Variants in NOL4 observed in about 807,000 individuals in gnomAD.
NOL4 encodes the protein cancer/testis antigen 125.
In NOL4, 17 loss-of-function variants were observed where a neutral mutation model predicts 75.9. That is an observed-to-expected ratio of 0.22 (90% CI 0.15 to 0.34). The LOEUF (loss-of-function observed/expected upper bound fraction) is 0.34, where lower values mean the gene tolerates loss of function less well. Among genes scored for constraint, NOL4 ranks in the 10% least tolerant of loss-of-function variants. The pLI, the probability that NOL4 is intolerant of heterozygous loss-of-function variation, is 1.00. For synonymous variants in NOL4, 292 were observed against 289.9 expected, an observed-to-expected ratio of 1.01 and a Z score of -0.07; for missense variants, 614 against 793.5, an observed-to-expected ratio of 0.77 and a Z score of 2.72.
intron 10 of NOL4, among the ~76,000 whole-genome samples, chr18:33,874,878 C>A (rs937160734): frequency 6.6e-6 from 1 of 151,942 alleles, no homozygotes; most frequent in South Asian, 2.1e-4. Context: ...AGGCTCATAA[C>A]TAAAGGACCT....
intron 4 of NOL4, among the ~76,000 whole-genome samples, chr18:34,097,439 T>G (rs1320465867): frequency 1.3e-5 from 2 of 152,148 alleles, no homozygotes; most frequent in Non-Finnish European, 2.9e-5. Context: ...TTTGGGGTGG[T>G]GTCCTGCAAC....
chr18:34,139,128 C>G (rs1404754758), intron 1 of NOL4, among the ~76,000 whole-genome samples: 3 of 152,240 alleles, frequency 2.0e-5, no homozygotes, highest in Middle Eastern at 3.4e-3. Flanking sequence ...GGATATTGGT[C>G]TAAAATTCTC....
At chr18:33,956,239 G>A (rs2069637126) in intron 8 of NOL4, among the ~76,000 whole-genome samples, 1 of 152,104 alleles carries the variant, frequency 6.6e-6, no homozygotes, top group African/African-American at 2.4e-5. Context: ...TGATATATTT[G>A]TCTACAGATT....
At chr18:34,139,644 A>AT (rs565325760) in intron 1 of NOL4, among the ~76,000 whole-genome samples, 1 of 151,792 alleles carries the variant, frequency 6.6e-6, no homozygotes, top group African/African-American at 2.4e-5. Context: ...GGATTCATTG[A>AT]TTTTTTGGAG....
chr18:34,189,016 G>A (rs1451749824), intron 1 of NOL4, among the ~76,000 whole-genome samples: 1 of 152,026 alleles, frequency 6.6e-6, no homozygotes, highest in Non-Finnish European at 1.5e-5. Context: ...TTGAATAATG[G>A]CAATGTCTTA....
At chr18:33,880,399 T>C (rs1391610920) in intron 10 of NOL4, among the ~76,000 whole-genome samples, 1 of 151,224 alleles carries the variant, frequency 6.6e-6, no homozygotes, top group Non-Finnish European at 1.5e-5. Flanking sequence ...TACCACCCAA[T>C]TATAAGAACA....
chr18:33,868,043 CTT>C (rs376575722), intron 10 of NOL4, among the ~76,000 whole-genome samples: 31 of 144,120 alleles, frequency 2.2e-4, no homozygotes, highest in Admixed American at 3.5e-4. Context: ...GATTCTTTAT[CTT>C]TTTTTTTTTT....
rs754015431 is a variant in NOL4, at chr18:34,142,255, C to T, written c.265-12235G>A. On this transcript the variant is annotated intron_variant, in intron 1 of 10. Transcript: ENST00000261592. ...GCGGGACTGTAAACTAGTTCAACCA[C>T]TGTGGAAGTCAGTGTGGCGATTCCT... Among the ~76,000 whole-genome samples, 36 of 152,274 alleles carry T rather than the reference C, an allele frequency of 2.4e-4. 1 individual carries two copies. The highest frequency in any genetic ancestry group is 7.0e-4 in the African/African-American group (29 of 41,564).
At chr18:33,908,950 T>G (rs1568045613) in intron 9 of NOL4, among the ~76,000 whole-genome samples, 2 of 152,152 alleles carry the variant, frequency 1.3e-5, no homozygotes, top group African/African-American at 4.8e-5. Context: ...TTCTGATTTA[T>G]CATATTGACT....
intron 5 of NOL4, among the ~76,000 whole-genome samples, chr18:34,089,934 T>C (rs1007453936): frequency 4.6e-5 from 7 of 151,316 alleles, no homozygotes; most frequent in Middle Eastern, 3.4e-3. Context: ...CTTACTGTGA[T>C]ACACACACAC....
intron 5 of NOL4, among the ~76,000 whole-genome samples, chr18:34,020,095 C>G (rs765931111): frequency 1.5e-4 from 23 of 152,030 alleles, no homozygotes; most frequent in Non-Finnish European, 4.4e-5. Context: ...TGGCACTATG[C>G]TTCATGTACA....
chr18:33,961,127 CATA>C (rs200040852), intron 6 of NOL4, among the ~76,000 whole-genome samples: 3,477 of 151,784 alleles, frequency 0.023, 66 homozygotes, highest in Non-Finnish European at 0.037. Flanking sequence ...CAAATATATA[CATA>C]ATAATAATAA....
chr18:34,144,059 A>G (rs2081300807), intron 1 of NOL4, among the ~76,000 whole-genome samples: 1 of 152,088 alleles, frequency 6.6e-6, no homozygotes, highest in Non-Finnish European at 1.5e-5. Context: ...ATAATCCTCC[A>G]TTATATGGTA....
rs757460119 is a variant in NOL4, at chr18:33,958,282, T to A, written c.1193A>T (p.Asn398Ile). 23 of 1,613,712 alleles carry A rather than the reference T, an allele frequency of 1.4e-5. No homozygotes were observed. Among genetic ancestry groups the A allele is most frequent in the Non-Finnish European group, 1.9e-5 (22 of 1,179,778 alleles). ...CTCGGCTTCAACGCCGTCTGTCTCATTAACTTTCTCCGAATCGTCATGGTC... is the reference window on the plus strand; with the variant it reads ...CTCGGCTTCAACGCCGTCTGTCTCAATAACTTTCTCCGAATCGTCATGGTC... ...HEDHDDSEKV[N>I]ETDGVEAERL... The change falls in exon 7 of 11, where the codon AAT becomes ATT. Residue 398 changes from asparagine to isoleucine, a missense_variant. Physicochemically the swap from Asn to Ile is moderately radical, Grantham distance 149. Coordinates refer to ENST00000261592, the MANE Select transcript of NOL4 (RefSeq NM_003787.5).
intron 1 of NOL4, among the ~76,000 whole-genome samples, chr18:34,142,959 A>C (rs937312520): frequency 5.9e-5 from 9 of 152,140 alleles, no homozygotes; most frequent in Non-Finnish European, 1.3e-4. Flanking sequence ...AATATTACAA[A>C]CCTTTAAAAA....
chr18:33,892,493 G>T lies in NOL4; in HGVS notation c.1543-9069C>A, dbSNP rs941750635. ...ATAATCATCATTATGAGTTCCCAAA[G>T]TTCTCACAGCTGACAGCTTGCCTCC... On this transcript the variant is annotated intron_variant, in intron 9 of 10. Transcript: ENST00000261592. Among the ~76,000 whole-genome samples, 4 of 151,998 alleles carry T rather than the reference G, an allele frequency of 2.6e-5. No individual in the cohort carries two copies. The East Asian group carries it at 7.7e-4, about 29-fold the overall frequency.
chr18:33,979,160 G>A (rs1401065482), intron 6 of NOL4, among the ~76,000 whole-genome samples: 1 of 152,002 alleles, frequency 6.6e-6, no homozygotes, highest in Non-Finnish European at 1.5e-5. Flanking sequence ...AGATTATAGA[G>A]GTAAAACCTT....
At chr18:33,915,018 A>G (rs954352004) in intron 9 of NOL4, among the ~76,000 whole-genome samples, 1 of 152,114 alleles carries the variant, frequency 6.6e-6, no homozygotes, top group Admixed American at 6.6e-5. Flanking sequence ...TTTTAGAATT[A>G]GAGGACAAGG....
intron 5 of NOL4, among the ~76,000 whole-genome samples, chr18:34,076,647 C>T (rs1016237609): frequency 1.3e-5 from 2 of 152,120 alleles, no homozygotes; most frequent in South Asian, 2.1e-4. Flanking sequence ...GTCACTTGAA[C>T]AATTTGTACT....
Sources: gnomAD v4.1 joint callset for allele counts (sites outside exome capture counted in the v4.1 genomes callset) on GRCh38, gnomAD v4.1.1 for gene constraint, MANE v1.5 for transcripts, NCBI Gene and HGNC (gene_info 2026-07-23, HGNC 2026-07-21) for gene names.